Variants in LRRC4C observed in about 807,000 individuals in gnomAD.
LRRC4C encodes the protein leucine-rich repeat-containing protein 4C.
LRRC4C carries 5 observed loss-of-function variants against 33.6 expected under a neutral mutation model. The ratio of observed to expected loss-of-function variants is 0.15; its 90% CI spans 0.08 to 0.31. The LOEUF is 0.31. Among genes scored for constraint, LRRC4C ranks in the 10% least tolerant of loss-of-function variants. The pLI, the probability that LRRC4C is intolerant of heterozygous loss-of-function variation, is 1.00. For missense variants in LRRC4C, 560 were observed against 796.7 expected (o/e 0.70, Z 3.58); for synonymous variants, 329 against 302.0 (o/e 1.09, Z -0.93).
intron 2 of LRRC4C, among the ~76,000 whole-genome samples, chr11:40,874,564 T>G (rs2135964298): frequency 6.6e-6 from 1 of 152,294 alleles, no homozygotes; most frequent in East Asian, 1.9e-4. Context: ...TTTTTTTCCC[T>G]TTCTTCATCA....
intron 3 of LRRC4C, among the ~76,000 whole-genome samples, chr11:40,553,449 T>G (rs1957208119): frequency 6.6e-6 from 1 of 152,218 alleles, no homozygotes; most frequent in Non-Finnish European, 1.5e-5. Flanking sequence ...ACATAATTTT[T>G]TTTTGAAACT....
chr11:40,450,108 C>T (rs1433551700), intron 3 of LRRC4C, among the ~76,000 whole-genome samples: 2 of 152,026 alleles, frequency 1.3e-5, no homozygotes, highest in African/African-American at 4.8e-5. Context: ...AGCAATCCCT[C>T]ATTATTATAT....
intron 5 of LRRC4C, among the ~76,000 whole-genome samples, chr11:40,178,628 G>C (rs1189429375): frequency 6.6e-6 from 1 of 152,172 alleles, no homozygotes; most frequent in Admixed American, 6.5e-5. Context: ...GTTAAGACAA[G>C]GGCTTGTACT....
intron 3 of LRRC4C, among the ~76,000 whole-genome samples, chr11:40,353,292 G>T (rs1947501444): frequency 6.6e-6 from 1 of 151,558 alleles, no homozygotes; most frequent in African/African-American, 2.4e-5. Flanking sequence ...TGTCTTCTCT[G>T]CTTGTCTATT....
chr11:41,335,608 A>G (rs991994107), intron 1 of LRRC4C, among the ~76,000 whole-genome samples: 7 of 152,174 alleles, frequency 4.6e-5, no homozygotes, highest in African/African-American at 1.7e-4. Flanking sequence ...CCTGTTTTCA[A>G]TGAGTACTTA....
At chr11:40,371,079 AG>A (rs1229033713) in intron 3 of LRRC4C, among the ~76,000 whole-genome samples, 3 of 152,222 alleles carry the variant, frequency 2.0e-5, no homozygotes, top group African/African-American at 7.2e-5. Flanking sequence ...GCTGCTTGCT[AG>A]ATCACAAAGA....
chr11:41,455,000 C>T (rs191408300), intron 1 of LRRC4C, among the ~76,000 whole-genome samples: 63 of 151,998 alleles, frequency 4.1e-4, no homozygotes, highest in Non-Finnish European at 6.8e-4. Flanking sequence ...CTGATTGTCC[C>T]TATTTTACAG....
chr11:41,044,709 G>GT (rs796991121), intron 1 of LRRC4C, among the ~76,000 whole-genome samples: 36 of 152,192 alleles, frequency 2.4e-4, no homozygotes, highest in African/African-American at 8.2e-4. Flanking sequence ...GTAGAACGCA[G>GT]TTATGTGATA....
chr11:41,384,226 T>C (rs958284988), intron 1 of LRRC4C, among the ~76,000 whole-genome samples: 2 of 151,932 alleles, frequency 1.3e-5, no homozygotes, highest in African/African-American at 4.8e-5. Context: ...CTGTAGTACT[T>C]CATTAGGAGG....
intron 2 of LRRC4C, among the ~76,000 whole-genome samples, chr11:40,775,383 C>A (rs909164934): frequency 2.6e-5 from 4 of 151,164 alleles, no homozygotes; most frequent in African/African-American, 7.3e-5. Flanking sequence ...GCACTCCAGC[C>A]TGCCTGGATG....
chr11:40,721,623 C>T (rs750061120), intron 2 of LRRC4C, among the ~76,000 whole-genome samples: 81 of 152,180 alleles, frequency 5.3e-4, no homozygotes, highest in Admixed American at 8.5e-4. Flanking sequence ...AAGATCACTT[C>T]TGGTCATCAG....
intron 2 of LRRC4C, among the ~76,000 whole-genome samples, chr11:40,930,683 T>C (rs1269313985): frequency 2.0e-5 from 3 of 152,176 alleles, no homozygotes; most frequent in Non-Finnish European, 4.4e-5. Flanking sequence ...ATTTTTAAAA[T>C]ATCACTACTT....
chr11:40,847,741 C>T (rs1173037647), intron 2 of LRRC4C, among the ~76,000 whole-genome samples: 2 of 149,882 alleles, frequency 1.3e-5, no homozygotes, highest in African/African-American at 4.9e-5. Flanking sequence ...TCTCTTTGTA[C>T]CTCTGGTGGA....
At chr11:40,439,753 CTT>C (rs759670549) in intron 3 of LRRC4C, among the ~76,000 whole-genome samples, 1 of 152,238 alleles carries the variant, frequency 6.6e-6, no homozygotes, top group East Asian at 1.9e-4. Context: ...GGCCCGGCCC[CTT>C]TATTCTTTAA....
At chr11:40,913,878 C>T (rs1398101702) in intron 2 of LRRC4C, among the ~76,000 whole-genome samples, 1 of 152,148 alleles carries the variant, frequency 6.6e-6, no homozygotes, top group Non-Finnish European at 1.5e-5. Flanking sequence ...CACCACCGAT[C>T]CCACAGAAAC....
intron 1 of LRRC4C, among the ~76,000 whole-genome samples, chr11:41,103,912 A>G (rs1426966081): frequency 1.3e-5 from 2 of 151,960 alleles, no homozygotes; most frequent in African/African-American, 4.8e-5. Context: ...CTGTGCTGGT[A>G]CAATTCAATA....
intron 1 of LRRC4C, among the ~76,000 whole-genome samples, chr11:41,182,039 G>A (rs1234982242): frequency 6.6e-6 from 1 of 152,054 alleles, no homozygotes; most frequent in East Asian, 1.9e-4. Flanking sequence ...AGACCCAATT[G>A]CTAAACATTT....
chr11:40,703,962 C>T (rs185363037), intron 2 of LRRC4C, among the ~76,000 whole-genome samples: 9 of 152,162 alleles, frequency 5.9e-5, no homozygotes, highest in Admixed American at 5.2e-4. Flanking sequence ...TATTTAAATG[C>T]TCAGTTATGG....
intron 3 of LRRC4C, among the ~76,000 whole-genome samples, chr11:40,455,515 G>A (rs1167029811): frequency 2.0e-5 from 3 of 152,192 alleles, no homozygotes; most frequent in African/African-American, 7.2e-5. Flanking sequence ...AGGTGAAATG[G>A]GGGGCAGCTA....
Sources: gnomAD v4.1 joint callset for allele counts (sites outside exome capture counted in the v4.1 genomes callset) on GRCh38, gnomAD v4.1.1 for gene constraint, MANE v1.5 for transcripts, NCBI Gene and HGNC (gene_info 2026-07-23, HGNC 2026-07-21) for gene names.